ANAPC4: variants seen among roughly 807,000 people sequenced by gnomAD.
The protein encoded by ANAPC4 is anaphase-promoting complex subunit 4.
A neutral mutation model predicts 119.8 loss-of-function variants in ANAPC4; 63 were observed. The ratio of observed to expected loss-of-function variants is 0.53; its 90% CI spans 0.43 to 0.65. The LOEUF is 0.65. Among genes scored for constraint, ANAPC4 ranks in the 30% least tolerant of loss-of-function variants. The pLI is 0.00. For missense variants in ANAPC4, 716 were observed against 945.1 expected (o/e 0.76, Z 3.18); for synonymous variants, 283 against 318.6 (o/e 0.89, Z 1.19).
In ANAPC4 at chr4:25,405,034, T is replaced by C. The variant is rs1403004110; in HGVS notation, c.1271-539T>C. ...GAGGCACATAAAACATACTTTGTCT[T>C]GACTTAGGTGGAACGTAATACAAAA... On this transcript the variant is annotated intron_variant, in intron 17 of 28. Transcript: ENST00000315368. The surrounding 1 kb of genome is among the most constrained non-coding windows in gnomAD (Gnocchi z 4.6). 1.3e-5 allele frequency among the ~76,000 whole-genome samples: 2 copies of C among 151,856 alleles called. No homozygotes were observed. The highest frequency in any genetic ancestry group is 4.8e-5 in the African/African-American group (2 of 41,322).
Position 25,418,290 on chromosome 4 carries a change from T to C in ANAPC4, c.2335T>C (p.Ser779Pro), listed in dbSNP as rs1360056234. 1 of 1,613,842 alleles carries C rather than the reference T, an allele frequency of 6.2e-7. No homozygotes were observed. Among genetic ancestry groups the C allele is most frequent in the Non-Finnish European group, 8.5e-7 (1 of 1,179,928 alleles). Residue 779 changes from serine to proline, a missense_variant, in exon 29 of 29, where the codon TCA (serine) becomes CCA (proline). Ser to Pro is a moderately conservative substitution (Grantham distance 74, BLOSUM62 -1). Around this residue, in one of 3 missense-constraint regions of ANAPC4, gnomAD observed 504 missense variants for 615.8 expected, o/e 0.82. Coordinates refer to ENST00000315368, the MANE Select transcript of ANAPC4 (RefSeq NM_013367.3). ...AATAAAGGAAGAAGTGTTGTCGGAG[T>C]CAGAGGCAGAGAACCAACAAGCTGG... The part of the protein sequence containing the change: ...VKIKEEVLSE[S>P]EAENQQAGAA...
In ANAPC4 at chr4:25,413,760, G is replaced by A; in HGVS notation, c.1623+18G>A. 6.3e-7 allele frequency: 1 copy of A among 1,584,592 alleles called. No homozygotes were observed. On this transcript the variant is annotated intron_variant, in intron 22 of 28. Coordinates refer to ENST00000315368, the MANE Select transcript of ANAPC4 (RefSeq NM_013367.3). Reference sequence around the variant, plus strand: ...AGCCAGCAGTAAGTTTGAAAGAAATGCATGTCTTTGTGTAGGAGCAATAGT... The same window carrying A: ...AGCCAGCAGTAAGTTTGAAAGAAATACATGTCTTTGTGTAGGAGCAATAGT...
At position 25,395,046 on chromosome 4, in the gene ANAPC4, T is replaced by C. The variant is rs545561996; in HGVS notation, c.1061+141T>C. On this transcript the variant is annotated intron_variant, in intron 14 of 28. Coordinates refer to ENST00000315368, the MANE Select transcript of ANAPC4 (RefSeq NM_013367.3). ...ATTGTTGCATGGCATTTGAGAAGAA[T>C]CTTCCTATACCCAAGATTGAAAGAG... 2.2e-5 allele frequency: 14 copies of C among 633,548 alleles called. No homozygotes were observed. In the Middle Eastern group the frequency reaches 1.6e-3, roughly 71 times the overall value. The allele number at this position is 633,548 out of a possible 1,614,324, so 39.2% of individuals were successfully genotyped here.
chr4:25,393,601 G>T (rs1169041522), intron 10 of ANAPC4, among the ~76,000 whole-genome samples: 1 of 152,184 alleles, frequency 6.6e-6, no homozygotes, highest in East Asian at 1.9e-4. Flanking sequence ...GGCAGAGGTT[G>T]CAGTGAGCCA....
Position 25,394,925 on chromosome 4 carries a change from T to C in ANAPC4, c.1061+20T>C, listed in dbSNP as rs1560436918. The stretch of plus-strand genomic sequence containing the variant: ...ACAGAGGTATGAAGGTGACGTAGAA[T>C]TTTTTGGTATTGTATCCACACATAC... On this transcript the variant is annotated intron_variant, in intron 14 of 28. Coordinates refer to ENST00000315368, the MANE Select transcript of ANAPC4 (RefSeq NM_013367.3). 1 of 1,593,566 alleles carries C rather than the reference T, an allele frequency of 6.3e-7. No homozygotes were observed.
chr4:25,387,789 AC>A (rs1168141234), intron 4 of ANAPC4, among the ~76,000 whole-genome samples: 1 of 151,984 alleles, frequency 6.6e-6, no homozygotes, highest in Non-Finnish European at 1.5e-5. Flanking sequence ...AGTCTCAAAT[AC>A]CTGTTGGATT....
intron 9 of ANAPC4, among the ~76,000 whole-genome samples, chr4:25,391,936 A>G (rs112477403): frequency 1.8e-4 from 27 of 152,248 alleles, no homozygotes; most frequent in Non-Finnish European, 1.5e-5. Context: ...GAAGTTGGTA[A>G]CAGATCATTT....
chr4:25,394,585 T>C, intron 12 of ANAPC4, 86 bp from the exon 13 acceptor site: 3 of 1,398,424 alleles, frequency 2.1e-6, no homozygotes, highest in Non-Finnish European at 2.9e-6. Flanking sequence ...TGTTTCTTGT[T>C]TGTGCTTCGA....
intron 8 of ANAPC4, 45 bp from the exon 9 acceptor site, chr4:25,390,866 C>A (rs753573064): frequency 1.4e-6 from 2 of 1,450,212 alleles, no homozygotes; most frequent in South Asian, 1.2e-5. Context: ...CAGCTTCAAC[C>A]TAGCAGTGAT....
At chr4:25,383,705 A>G (rs1015365746) in intron 4 of ANAPC4, among the ~76,000 whole-genome samples, 6 of 152,252 alleles carry the variant, frequency 3.9e-5, no homozygotes, top group Non-Finnish European at 7.3e-5. Context: ...ATATTATGCT[A>G]TAGTACATTT....
At chr4:25,410,161 TCTC>T (rs1423786122) in intron 21 of ANAPC4, among the ~76,000 whole-genome samples, 2 of 152,146 alleles carry the variant, frequency 1.3e-5, no homozygotes, top group Non-Finnish European at 2.9e-5. Flanking sequence ...TCAACTGTAT[TCTC>T]CTCGGGTTGT....
chr4:25,387,260 G>GT (rs199832397), intron 4 of ANAPC4, among the ~76,000 whole-genome samples: 19 of 151,742 alleles, frequency 1.3e-4, no homozygotes, highest in South Asian at 6.3e-4. Flanking sequence ...AACAAAAATT[G>GT]TTTTTCTTTT....
intron 2 of ANAPC4, among the ~76,000 whole-genome samples, chr4:25,379,164 G>T (rs1721580795): frequency 6.6e-6 from 1 of 152,174 alleles, no homozygotes; most frequent in Non-Finnish European, 1.5e-5. Flanking sequence ...TGTTGGTAAT[G>T]ACCAGGCCGG....
chr4:25,407,533 C>G lies in ANAPC4; in HGVS notation c.1431+280C>G, dbSNP rs553046552. 4.6e-5 allele frequency among the ~76,000 whole-genome samples: 7 copies of G among 151,678 alleles called. No homozygotes were observed. In the East Asian group the frequency reaches 1.4e-3, roughly 29 times the overall value. On this transcript the variant is annotated intron_variant, in intron 20 of 28. Transcript: ENST00000315368. ...AGGAAAACTACTTGAACCCAGGAGACAGAGGTTTCAGTGAGCCAAGATCAA... is the reference window on the plus strand; with the variant it reads ...AGGAAAACTACTTGAACCCAGGAGAGAGAGGTTTCAGTGAGCCAAGATCAA...
At position 25,413,669 on chromosome 4, in the gene ANAPC4, A is replaced by T. The variant is rs559716705; in HGVS notation, c.1550A>T (p.Tyr517Phe). The T allele has an allele frequency of 3.7e-6, 6 of 1,613,200 alleles. No homozygotes were observed. The African/African-American group carries it at 5.3e-5, about 14-fold the overall frequency. Residue 517 changes from tyrosine to phenylalanine, a missense_variant, in exon 22 of 29, where the codon TAT becomes TTT. This residue lies in a region of ANAPC4 where 504 missense variants were observed against 615.8 expected (regional missense o/e 0.82). Coordinates refer to ENST00000315368, the MANE Select transcript of ANAPC4 (RefSeq NM_013367.3). ...LKESPLLFPYYPRKSLHFVKR... is the reference protein window; with the variant it reads ...LKESPLLFPYFPRKSLHFVKR... ...GAAAGTCCTTTGCTGTTTCCTTATT[A>T]TCCTCGAAAATCATTGCATTTTGTG...
chr4:25,390,375 A>G (rs1412509962), intron 8 of ANAPC4, among the ~76,000 whole-genome samples, 155 bp downstream of exon 8: 1 of 152,228 alleles, frequency 6.6e-6, no homozygotes, highest in Admixed American at 6.5e-5. Context: ...CTAAGATAAA[A>G]TAATTGTGAT....
intron 17 of ANAPC4, among the ~76,000 whole-genome samples, chr4:25,404,419 T>C (rs561826657): frequency 1.2e-4 from 18 of 152,140 alleles, no homozygotes; most frequent in African/African-American, 4.1e-4. Context: ...TTATTGGAGG[T>C]AATTTAGGCA....
At chr4:25,407,929 C>A (rs13122898) in intron 20 of ANAPC4, among the ~76,000 whole-genome samples, 4 of 151,942 alleles carry the variant, frequency 2.6e-5, no homozygotes, top group African/African-American at 9.7e-5. Flanking sequence ...AGAATATACC[C>A]ATTACTATTA....
intron 4 of ANAPC4, among the ~76,000 whole-genome samples, chr4:25,385,914 A>C (rs1722004414): frequency 6.6e-6 from 1 of 152,096 alleles, no homozygotes; most frequent in African/African-American, 2.4e-5. Context: ...TCCATTTTTT[A>C]AAATTTATTT....
Sources: allele counts gnomAD v4.1 joint callset (sites outside exome capture counted in the v4.1 genomes callset), GRCh38; gene constraint gnomAD v4.1.1; regional missense constraint gnomAD v4.1.1; non-coding constraint Gnocchi (gnomAD v3.1); transcripts MANE v1.5; gene names NCBI Gene and HGNC (gene_info 2026-07-23, HGNC 2026-07-21).